CYB5R3: variants seen among roughly 807,000 people sequenced by gnomAD.
CYB5R3 encodes the protein NADH-cytochrome b5 reductase 3.
A neutral mutation model predicts 36.5 loss-of-function variants in CYB5R3; 28 were observed. That is an observed-to-expected ratio of 0.77 (90% CI 0.57 to 1.05). The LOEUF (loss-of-function observed/expected upper bound fraction) is 1.05. Among genes scored for constraint, CYB5R3 ranks in the 50% least tolerant of loss-of-function variants. The probability of loss-of-function intolerance (pLI) is 0.00; values close to 1 mark genes in which losing one functional copy is unlikely to be tolerated. For missense variants in CYB5R3, 474 were observed against 408.9 expected, an observed-to-expected ratio of 1.16 and a Z score of -1.37; for synonymous variants, 181 against 159.8, an observed-to-expected ratio of 1.13 and a Z score of -1.00.
chr22:42,634,404 T>C (rs1928773294), intron 2 of CYB5R3, among the ~76,000 whole-genome samples: 1 of 151,974 alleles, frequency 6.6e-6, no homozygotes, highest in Non-Finnish European at 1.5e-5. Flanking sequence ...CAAGGTTAAG[T>C]GTGGTCTCAT....
At chr22:42,648,593 C>G (rs537455014) in intron 1 of CYB5R3, among the ~76,000 whole-genome samples, 237 of 152,280 alleles carry the variant, frequency 1.6e-3, no homozygotes, top group Middle Eastern at 3.4e-3. Context: ...GTTTGCATTT[C>G]CCCATCTGTG....
chr22:42,628,596 C>T (rs1396657423), intron 4 of CYB5R3, among the ~76,000 whole-genome samples: 4 of 152,206 alleles, frequency 2.6e-5, no homozygotes, highest in Non-Finnish European at 5.9e-5. Context: ...CCCCTCCCAA[C>T]GGGAGACACT....
rs1601923146 is a variant in CYB5R3 at position 42,618,529 on chromosome 22, T to C, written c.*1244A>G. 1 of 88,018 alleles carries C rather than the reference T, an allele frequency of 1.1e-5. No individual in the cohort carries two copies. The highest frequency in any genetic ancestry group is 5.8e-5 in the African/African-American group (1 of 17,154). The allele number at this position is 88,018 out of a possible 1,614,324, so 5.5% of individuals were successfully genotyped here. ...TCCAGCCTGGGCGACAGAGCGAGAC[T>C]CCGTCTCAAAAAAAAAAAAAAAAAA... On this transcript the variant is annotated 3_prime_UTR_variant, in exon 9 of 9. Transcript: ENST00000352397.
At chr22:42,643,260 A>G (rs1929374371) in intron 1 of CYB5R3, among the ~76,000 whole-genome samples, 1 of 152,156 alleles carries the variant, frequency 6.6e-6, no homozygotes, top group Non-Finnish European at 1.5e-5. Context: ...TATCTCCTTG[A>G]AGCGATGTGA....
intron 2 of CYB5R3, 127 bp downstream of exon 2, chr22:42,636,588 G>T: frequency 6.9e-7 from 1 of 1,448,264 alleles, no homozygotes; most frequent in Non-Finnish European, 9.4e-7. Context: ...ACATCACCTT[G>T]CTTTCTCCAT....
At chr22:42,631,524 C>T (rs1928621508) in intron 2 of CYB5R3, 74 bp from the exon 3 acceptor site, 4 of 1,306,524 alleles carry the variant, frequency 3.1e-6, no homozygotes, top group East Asian at 2.5e-5. Context: ...GGCCTCGGAG[C>T]CCCCATCCCA....
rs1928581701 is a variant in CYB5R3, at chr22:42,630,939, CCGGA to C, written c.272_275del (p.Val91GlyfsTer81). 1 of 1,613,940 alleles carries C rather than the reference CCGGA, an allele frequency of 6.2e-7. No individual in the cohort carries two copies. The highest frequency in any genetic ancestry group is 1.3e-5 in the African/African-American group (1 of 74,924). On this transcript the variant is annotated frameshift_variant, in exon 4 of 9. Transcript: ENST00000352397. LOFTEE classifies it high-confidence loss of function. ...CATCGCTGGAGATGGGTGTATAGGG[CCGGA>C]CGACCAGGTTTCCATCAATTCGAGC... is the stretch of plus-strand genomic sequence containing the variant.
chr22:42,631,481 C>A (rs772121917), intron 2 of CYB5R3, 31 bp from the exon 3 acceptor site: 6 of 1,549,732 alleles, frequency 3.9e-6, no homozygotes, highest in Non-Finnish European at 5.2e-6. Context: ...GCTGAACGGT[C>A]CCCAGGGCAG....
At position 42,628,815 on chromosome 22, in the gene CYB5R3, G is replaced by C. The variant is rs189307339; in HGVS notation, c.334-534C>G. Reference sequence around the variant, plus strand: ...AAAGAAATGGGGAGACAGAGGAGGAGCGGCTCACCCTGCCCAAGGAGTCTG... The same window carrying C: ...AAAGAAATGGGGAGACAGAGGAGGACCGGCTCACCCTGCCCAAGGAGTCTG... On this transcript the variant is annotated intron_variant, in intron 4 of 8. Coordinates refer to ENST00000352397, the MANE Select transcript of CYB5R3 (RefSeq NM_000398.7). 4.6e-5 allele frequency among the ~76,000 whole-genome samples: 7 copies of C among 152,318 alleles called. No individual in the cohort carries two copies. In the East Asian group the frequency reaches 1.4e-3, roughly 29 times the overall value.
rs2146875582 is a variant in CYB5R3 at position 42,627,393 on chromosome 22, CA to C, written c.548-5del. 1 of 1,613,532 alleles carries C rather than the reference CA, an allele frequency of 6.2e-7. No homozygotes were observed. Among genetic ancestry groups the C allele is most frequent in the Non-Finnish European group, 8.5e-7 (1 of 1,179,842 alleles). ...ACCTGCAGCATCGGGGTGATGCCTGCAAAATAGCCGGCCGGGCCTCGCACGT... is the reference window on the plus strand; with the variant it reads ...ACCTGCAGCATCGGGGTGATGCCTGCAAATAGCCGGCCGGGCCTCGCACGT... On this transcript the variant is annotated splice_region_variant and splice_polypyrimidine_tract_variant and intron_variant, in intron 6 of 8. Coordinates refer to ENST00000352397, the MANE Select transcript of CYB5R3 (RefSeq NM_000398.7).
At chr22:42,630,757 G>T in intron 4 of CYB5R3, 125 bp downstream of exon 4, 1 of 822,416 alleles carries the variant, frequency 1.2e-6, no homozygotes, top group Non-Finnish European at 2.0e-6. Flanking sequence ...AAGTGGGGCA[G>T]CCATGACCGA....
At chr22:42,631,599 C>A (rs1928625366) in intron 2 of CYB5R3, 149 bp from the exon 3 acceptor site, 1 of 735,618 alleles carries the variant, frequency 1.4e-6, no homozygotes, top group Non-Finnish European at 2.4e-6. Flanking sequence ...GACGCCGACG[C>A]CAAGCACAGA....
At chr22:42,632,889 G>A (rs984049381) in intron 2 of CYB5R3, 1 of 152,336 alleles carries the variant, frequency 6.6e-6, no homozygotes, top group African/African-American at 2.4e-5. Context: ...AGCCAGGCGT[G>A]GTGGCGCATG....
At chr22:42,623,678 C>T in intron 8 of CYB5R3, 111 bp downstream of exon 8, 1 of 865,424 alleles carries the variant, frequency 1.2e-6, no homozygotes, top group Non-Finnish European at 1.9e-6. Context: ...CCCACAGGGC[C>T]ATAGTGAGTG....
At chr22:42,640,026 C>T (rs764929242) in intron 1 of CYB5R3, 1 of 1,613,460 alleles carries the variant, frequency 6.2e-7, no homozygotes, top group Admixed American at 1.7e-5. Flanking sequence ...ACCACGTCGA[C>T]ACCTCAGTGG....
intron 1 of CYB5R3, among the ~76,000 whole-genome samples, chr22:42,646,473 G>A (rs1440408715): frequency 6.6e-6 from 1 of 152,078 alleles, no homozygotes; most frequent in Non-Finnish European, 1.5e-5. Context: ...CTGCGCAGCT[G>A]CCCACCCCTG....
chr22:42,627,182 C>T (rs1928313817), intron 7 of CYB5R3, 122 bp downstream of exon 7: 3 of 854,666 alleles, frequency 3.5e-6, no homozygotes, highest in Admixed American at 2.0e-5. Context: ...TCAGGGCCCC[C>T]CATCCCGGTC....
chr22:42,630,578 C>A (rs2146882481), intron 4 of CYB5R3, among the ~76,000 whole-genome samples: 1 of 152,348 alleles, frequency 6.6e-6, no homozygotes, highest in African/African-American at 2.4e-5. Flanking sequence ...TGAACCCTGG[C>A]CCCTGTTCTC....
At chr22:42,631,480 T>TC in intron 2 of CYB5R3, 30 bp from the exon 3 acceptor site, 1 of 1,550,056 alleles carries the variant, frequency 6.5e-7, no homozygotes, top group Non-Finnish European at 8.7e-7. Context: ...TGCTGAACGG[T>TC]CCCCAGGGCA....
Sources: allele counts gnomAD v4.1 joint callset (sites outside exome capture counted in the v4.1 genomes callset), GRCh38; gene constraint gnomAD v4.1.1; transcripts MANE v1.5; gene names NCBI Gene and HGNC (gene_info 2026-07-23, HGNC 2026-07-21).